Variants in NEBL observed in about 807,000 individuals in gnomAD.
NEBL encodes the protein LIM and SH3 protein 2.
Under a neutral mutation model 140.2 loss-of-function variants are expected in NEBL, and 122 were observed. That is an observed-to-expected ratio of 0.87 (90% CI 0.75 to 1.01). The LOEUF (loss-of-function observed/expected upper bound fraction) is 1.01, where lower values mean the gene tolerates loss of function less well. Among genes scored for constraint, NEBL ranks in the 50% least tolerant of loss-of-function variants. NEBL has a pLI of 0.00. For synonymous variants in NEBL, 436 were observed against 398.9 expected, an observed-to-expected ratio of 1.09 and a Z score of -1.11; for missense variants, 1,365 against 1,231.3, an observed-to-expected ratio of 1.11 and a Z score of -1.62.
intron 17 of NEBL, 34 bp downstream of exon 17, chr10:20,828,496 A>G: frequency 7.2e-7 from 1 of 1,391,286 alleles, no homozygotes; most frequent in Admixed American, 1.7e-5. Flanking sequence ...CAAAATTTCA[A>G]GGTGGCAACT....
Position 21,032,397 on chromosome 10 carries a change from T to G in NEBL, c.165-12196A>C, listed in dbSNP as rs186765687. ...TAAGCCTGATATTCTTCTGGGATTT[T>G]GGGGTCTAAGATGCTTTTTGAGCCT... is the stretch of plus-strand genomic sequence containing the variant. On this transcript the variant is annotated intron_variant, in intron 2 of 6. Coordinates refer to the NEBL transcript ENST00000417816. 1.4e-4 allele frequency among the ~76,000 whole-genome samples: 21 copies of G among 152,332 alleles called. No homozygotes were observed. In the East Asian group the frequency reaches 3.5e-3, roughly 25 times the overall value.
rs1357785539 is a variant in NEBL at position 21,003,379 on chromosome 10, T to C, written c.249+16738A>G. Among the ~76,000 whole-genome samples, 4 of 152,350 alleles carry C rather than the reference T, an allele frequency of 2.6e-5. No individual in the cohort carries two copies. The East Asian group carries it at 7.7e-4, about 29-fold the overall frequency. On this transcript the variant is annotated intron_variant, in intron 3 of 6. Coordinates refer to the NEBL transcript ENST00000417816. ...TGTTCCATTGTCTCCTGACAACCCA[T>C]GTCCCTGCTGCCAACACCTCGCCTG...
Position 20,845,556 on chromosome 10 carries a change from GA to G in NEBL, c.1117-189del, listed in dbSNP as rs1332238309. 21 of 542,476 alleles carry G rather than the reference GA, an allele frequency of 3.9e-5. No individual in the cohort carries two copies. In the Admixed American group the frequency reaches 5.3e-4, roughly 14 times the overall value. The allele number at this position is 542,476 out of a possible 1,614,324, so 33.6% of individuals were successfully genotyped here. On this transcript the variant is annotated intron_variant, in intron 11 of 27. Coordinates refer to ENST00000377122, the MANE Select transcript of NEBL (RefSeq NM_006393.3). The stretch of plus-strand genomic sequence containing the variant: ...TTTTAGAATTCTACCAAACAAAGGA[GA>G]ATTATTAAGTGGACTCTTCCTCTGG...
At chr10:21,043,447 AC>A (rs1834358266) in intron 2 of NEBL, among the ~76,000 whole-genome samples, 1 of 152,220 alleles carries the variant, frequency 6.6e-6, no homozygotes, top group African/African-American at 2.4e-5. Context: ...TGAATGCTAA[AC>A]TTTCTCATTT....
intron 3 of NEBL, among the ~76,000 whole-genome samples, chr10:21,007,806 C>G (rs1189296361): frequency 6.6e-6 from 1 of 152,186 alleles, no homozygotes; most frequent in African/African-American, 2.4e-5. Context: ...GATCTATCCT[C>G]TGGAATCAGT....
At chr10:20,849,702 C>A (rs1343323073) in intron 11 of NEBL, among the ~76,000 whole-genome samples, 1 of 152,164 alleles carries the variant, frequency 6.6e-6, no homozygotes, top group African/African-American at 2.4e-5. Flanking sequence ...AGAAATTAAT[C>A]TCTGTTCTTT....
intron 2 of NEBL, among the ~76,000 whole-genome samples, chr10:21,054,824 T>C (rs1031174567): frequency 6.6e-6 from 1 of 152,210 alleles, no homozygotes; most frequent in South Asian, 2.1e-4. Context: ...AGTACAATCA[T>C]AGTATCCAAA....
intron 2 of NEBL, among the ~76,000 whole-genome samples, chr10:20,890,218 T>C (rs1311655919): frequency 4.6e-5 from 7 of 152,178 alleles, no homozygotes; most frequent in African/African-American, 1.7e-4. Flanking sequence ...TGATGGGTCC[T>C]GTTTACCCAG....
At chr10:20,798,109 A>AT (rs1836746603) in intron 26 of NEBL, among the ~76,000 whole-genome samples, 2 of 104,810 alleles carry the variant, frequency 1.9e-5, no homozygotes, top group Non-Finnish European at 2.0e-5. Flanking sequence ...GTTTCTAATT[A>AT]CAAAAAAAAA....
intron 9 of NEBL, among the ~76,000 whole-genome samples, chr10:20,857,190 G>T (rs1321377998): frequency 6.6e-6 from 1 of 152,198 alleles, no homozygotes; most frequent in Non-Finnish European, 1.5e-5. Flanking sequence ...AAGGAAGGAA[G>T]ACAGTGGCAG....
chr10:20,900,551 C>CG (rs1220271515), upstream of NEBL, among the ~76,000 whole-genome samples: 4 of 150,648 alleles, frequency 2.7e-5, no homozygotes, highest in Non-Finnish European at 5.9e-5. Flanking sequence ...GGGCTGGGTG[C>CG]GGTGGTTCAC....
At chr10:20,823,162 T>G in intron 19 of NEBL, 46 bp downstream of exon 19, 27 of 1,366,252 alleles carry the variant, frequency 2.0e-5, no homozygotes, top group Non-Finnish European at 2.7e-5. Context: ...CATTACGTGT[T>G]GATATACAAT....
chr10:20,831,711 C>T lies in NEBL; in HGVS notation c.1450-128G>A. On this transcript the variant is annotated intron_variant, in intron 14 of 27. Coordinates refer to ENST00000377122, the MANE Select transcript of NEBL (RefSeq NM_006393.3). ...AGTTGAATCCTTATTTCTTTTATTTCTATAGAATAATAGAGTTTTTACTTG... is the reference window on the plus strand; with the variant it reads ...AGTTGAATCCTTATTTCTTTTATTTTTATAGAATAATAGAGTTTTTACTTG... 5.9e-6 allele frequency: 4 copies of T among 675,728 alleles called. No homozygotes were observed. The South Asian group carries it at 7.0e-5, about 12-fold the overall frequency. 41.9% of individuals were successfully genotyped at this position (675,728 alleles called of 1,614,324 possible). A position where few individuals can be genotyped will look rare whatever the true frequency, so the allele number is the denominator to read the frequency against.
chr10:21,216,210 T>C (rs189755422), intron 3 of NEBL, among the ~76,000 whole-genome samples: 2 of 152,116 alleles, frequency 1.3e-5, no homozygotes, highest in Non-Finnish European at 2.9e-5. Flanking sequence ...CCCACTAAAC[T>C]CTCACTAAAT....
intron 19 of NEBL, 72 bp downstream of exon 19, chr10:20,823,136 A>T: frequency 8.8e-7 from 1 of 1,140,896 alleles, no homozygotes; most frequent in Non-Finnish European, 1.3e-6. Flanking sequence ...TTTGACCTGT[A>T]CAGGTTTTAT....
intron 4 of NEBL, among the ~76,000 whole-genome samples, chr10:20,932,215 T>C (rs1437720579): frequency 6.6e-6 from 1 of 152,208 alleles, no homozygotes; most frequent in African/African-American, 2.4e-5. Flanking sequence ...GCCCTTCGTA[T>C]ACACCATGGA....
chr10:20,940,025 A>C (rs566213438), intron 4 of NEBL, among the ~76,000 whole-genome samples: 19 of 150,650 alleles, frequency 1.3e-4, no homozygotes, highest in African/African-American at 4.1e-4. Flanking sequence ...AGACAGATCA[A>C]CGAGACAGAA....
intron 2 of NEBL, among the ~76,000 whole-genome samples, chr10:21,067,781 A>T (rs933346290): frequency 1.2e-3 from 190 of 152,126 alleles, no homozygotes; most frequent in African/African-American, 4.2e-3. Context: ...ATTCAAGACC[A>T]GCCTGGGCAA....
chr10:21,035,957 G>A (rs1834000325), intron 2 of NEBL, among the ~76,000 whole-genome samples: 1 of 152,054 alleles, frequency 6.6e-6, no homozygotes, highest in Non-Finnish European at 1.5e-5. Flanking sequence ...GAGGTCAAAA[G>A]CTCGAGACAA....
Sources: allele counts gnomAD v4.1 joint callset (sites outside exome capture counted in the v4.1 genomes callset), GRCh38; gene constraint gnomAD v4.1.1; transcripts MANE v1.5; gene names NCBI Gene and HGNC (gene_info 2026-07-23, HGNC 2026-07-21).